Variants in CELF4 observed in about 807,000 individuals in gnomAD.
The protein encoded by CELF4 is CUGBP Elav-like family member 4, also known as CUG-BP- and ETR-3-like factor 4.
In CELF4, 18 loss-of-function variants were observed where a neutral mutation model predicts 59.9. The ratio of observed to expected loss-of-function variants is 0.30; its 90% CI spans 0.21 to 0.45. The LOEUF (loss-of-function observed/expected upper bound fraction) is 0.45. CELF4 is among the 20% of genes least tolerant of loss of function. CELF4 has a pLI of 1.00. For synonymous variants in CELF4, 261 were observed against 267.1 expected (o/e 0.98, Z 0.22); for missense variants, 456 against 689.0 (o/e 0.66, Z 3.79).
intron 1 of CELF4, among the ~76,000 whole-genome samples, chr18:37,550,497 C>T (rs2099982843): frequency 6.6e-6 from 1 of 152,244 alleles, no homozygotes; most frequent in Non-Finnish European, 1.5e-5. Context: ...TAAGCTGAAA[C>T]TTTCCCAGAG....
chr18:37,565,735 A>C lies in CELF4; in HGVS notation c.-94T>G. ...CGCTCACACACGCACACGCATACAC[A>C]CACTCGGGTTCTCTCCCCCTCGGTT... On this transcript the variant is annotated 5_prime_UTR_variant, in exon 1 of 13. Coordinates refer to ENST00000420428, the MANE Select transcript of CELF4 (RefSeq NM_020180.4). 2 of 1,051,512 alleles carry C rather than the reference A, an allele frequency of 1.9e-6. No individual in the cohort carries two copies. The highest frequency in any genetic ancestry group is 2.6e-6 in the Non-Finnish European group (2 of 759,316). The allele number at this position is 1,051,512 out of a possible 1,614,324, so 65.1% of individuals were successfully genotyped here. A position where few individuals can be genotyped will look rare whatever the true frequency, so the allele number is the denominator to read the frequency against.
intron 2 of CELF4, among the ~76,000 whole-genome samples, chr18:37,443,214 G>A (rs1057246652): frequency 2.0e-5 from 3 of 152,052 alleles, no homozygotes; most frequent in African/African-American, 2.4e-5. Flanking sequence ...CTGTCCCTCC[G>A]CCTCCTGAGA....
At chr18:37,370,471 T>G (rs905586085) in intron 2 of CELF4, among the ~76,000 whole-genome samples, 1 of 152,178 alleles carries the variant, frequency 6.6e-6, no homozygotes, top group Non-Finnish European at 1.5e-5. Flanking sequence ...ACAAGGGAAC[T>G]TTGAGGCCAT....
Position 37,292,308 on chromosome 18 carries a change from C to T in CELF4, c.449-17065G>A, listed in dbSNP as rs1220939543. Among the ~76,000 whole-genome samples the T allele has an allele frequency of 3.9e-5, 6 of 152,296 alleles. No individual in the cohort carries two copies. The East Asian group carries it at 1.2e-3, about 29-fold the overall frequency. ...TACTGCATCAATTAGTTTTTCATTC[C>T]AGTACAGGTACATTTTAACAAGACT... On this transcript the variant is annotated intron_variant, in intron 3 of 12. Coordinates refer to ENST00000420428, the MANE Select transcript of CELF4 (RefSeq NM_020180.4).
intron 12 of CELF4, among the ~76,000 whole-genome samples, chr18:37,251,809 C>T (rs1415858897): frequency 6.6e-6 from 1 of 152,198 alleles, no homozygotes; most frequent in Non-Finnish European, 1.5e-5. Context: ...GGGATGGTGA[C>T]TCATTCATCC....
chr18:37,489,010 G>T (rs1387689639), intron 1 of CELF4, among the ~76,000 whole-genome samples: 1 of 152,208 alleles, frequency 6.6e-6, no homozygotes, highest in Non-Finnish European at 1.5e-5. Context: ...ACTAAGTGCA[G>T]ACTGCAGTGT....
intron 2 of CELF4, among the ~76,000 whole-genome samples, chr18:37,410,096 C>T (rs1466896930): frequency 3.9e-5 from 6 of 152,078 alleles, no homozygotes; most frequent in African/African-American, 7.2e-5. Flanking sequence ...CTCCCCGTGC[C>T]GATGTGTGTG....
At chr18:37,445,519 C>T (rs940982221) in intron 2 of CELF4, among the ~76,000 whole-genome samples, 2 of 151,596 alleles carry the variant, frequency 1.3e-5, no homozygotes, top group South Asian at 2.1e-4. Context: ...GTAGTGCTGC[C>T]GCCAGACAGC....
At chr18:37,434,039 G>A (rs1234870719) in intron 2 of CELF4, among the ~76,000 whole-genome samples, 2 of 152,240 alleles carry the variant, frequency 1.3e-5, no homozygotes, top group East Asian at 3.9e-4. Flanking sequence ...GGCCCTACAG[G>A]CATCTGGGTG....
At chr18:37,561,933 T>C (rs1174704089) in intron 1 of CELF4, among the ~76,000 whole-genome samples, 1 of 152,206 alleles carries the variant, frequency 6.6e-6, no homozygotes, top group Non-Finnish European at 1.5e-5. Flanking sequence ...GACTCTGAGT[T>C]GGTCAGGAGA....
At chr18:37,521,220 G>A (rs2099957034) in intron 1 of CELF4, among the ~76,000 whole-genome samples, 1 of 152,160 alleles carries the variant, frequency 6.6e-6, no homozygotes, top group Non-Finnish European at 1.5e-5. Context: ...TGGCACTGCT[G>A]ATCTCTGAGG....
chr18:37,528,444 G>A (rs1249932338), intron 1 of CELF4, among the ~76,000 whole-genome samples: 3 of 152,176 alleles, frequency 2.0e-5, no homozygotes, highest in Admixed American at 1.3e-4. Flanking sequence ...TCGGTGGGGG[G>A]TCTGGCTATG....
At chr18:37,388,301 C>T (rs1020692624) in intron 2 of CELF4, among the ~76,000 whole-genome samples, 6 of 152,078 alleles carry the variant, frequency 3.9e-5, no homozygotes, top group African/African-American at 1.4e-4. Context: ...TGTCCCTTCT[C>T]CCCAAACAGG....
At chr18:37,291,767 C>T (rs947395374) in intron 3 of CELF4, among the ~76,000 whole-genome samples, 1 of 152,222 alleles carries the variant, frequency 6.6e-6, no homozygotes, top group Non-Finnish European at 1.5e-5. Context: ...CCAGGGTCCA[C>T]AGCTGTCCCT....
intron 10 of CELF4, among the ~76,000 whole-genome samples, chr18:37,260,363 C>T (rs971618322): frequency 6.6e-6 from 1 of 152,204 alleles, no homozygotes. Context: ...TTCCAAGATG[C>T]GTCTTAGATA....
chr18:37,261,444 G>A (rs962030076), intron 10 of CELF4, among the ~76,000 whole-genome samples: 5 of 152,228 alleles, frequency 3.3e-5, no homozygotes, highest in African/African-American at 9.6e-5. Flanking sequence ...CATGCGCGGT[G>A]TGTGGCGGAG....
chr18:37,418,417 T>C (rs2099546823), intron 2 of CELF4, among the ~76,000 whole-genome samples: 1 of 152,218 alleles, frequency 6.6e-6, no homozygotes, highest in Non-Finnish European at 1.5e-5. Flanking sequence ...CAGGACCACC[T>C]GCCCCCCACT....
chr18:37,461,058 T>C (rs928964883), intron 2 of CELF4, among the ~76,000 whole-genome samples: 5 of 152,204 alleles, frequency 3.3e-5, no homozygotes, highest in Non-Finnish European at 2.9e-5. Flanking sequence ...ACTCAACAGC[T>C]CTTCCCTGCT....
chr18:37,481,806 G>A (rs766657163), intron 2 of CELF4, among the ~76,000 whole-genome samples: 7 of 152,180 alleles, frequency 4.6e-5, no homozygotes, highest in Admixed American at 2.0e-4. Context: ...TAAAGCAACC[G>A]GTGGCACTGG....
Sources: gnomAD v4.1 joint callset for allele counts (sites outside exome capture counted in the v4.1 genomes callset) on GRCh38, gnomAD v4.1.1 for gene constraint, MANE v1.5 for transcripts, NCBI Gene and HGNC (gene_info 2026-07-23, HGNC 2026-07-21) for gene names.